Variants in WDR6 observed in about 807,000 individuals in gnomAD.
The protein encoded by WDR6 is tRNA (34-2'-O)-methyltransferase regulator WDR6.
WDR6 carries 58 observed loss-of-function variants against 85.6 expected under a neutral mutation model. The ratio of observed to expected loss-of-function variants is 0.68; its 90% CI spans 0.55 to 0.84. The LOEUF (loss-of-function observed/expected upper bound fraction) is 0.84, where lower values mean the gene tolerates loss of function less well. Ranked by LOEUF, WDR6 falls within the 40% of genes least tolerant of loss-of-function variation. The pLI is 0.00. For missense variants in WDR6, 1,310 were observed against 1,476.4 expected (o/e 0.89, Z 1.85); for synonymous variants, 569 against 582.2 (o/e 0.98, Z 0.33).
At chr3:49,010,706 C>G (rs576679147) in intron 1 of WDR6, among the ~76,000 whole-genome samples, 2 of 151,992 alleles carry the variant, frequency 1.3e-5, no homozygotes, top group Non-Finnish European at 2.9e-5. Context: ...AAAAATTAGC[C>G]GGGCATGGGG....
rs1279572348 is a variant in WDR6 at position 49,011,616 on chromosome 3, G to A, written c.101-19G>A. The A allele has an allele frequency of 6.2e-7, 1 of 1,612,196 alleles. No homozygotes were observed. ...GAGTTAGGTACCTAGCTCTGACATG[G>A]CTCTTTGCCTCTATCTAGGTGAGGG... is the stretch of plus-strand genomic sequence containing the variant. On this transcript the variant is annotated intron_variant, in intron 1 of 5. Transcript: ENST00000608424.
chr3:49,013,339 A>G lies in WDR6; in HGVS notation c.1805A>G (p.Gln602Arg). The G allele has an allele frequency of 6.2e-7, 1 of 1,614,186 alleles. No individual in the cohort carries two copies. The highest frequency in any genetic ancestry group is 8.5e-7 in the Non-Finnish European group (1 of 1,180,010). Residue 602 changes from glutamine to arginine, a missense_variant, in exon 2 of 6, where the codon CAG (glutamine) becomes CGG (arginine). Transcript: ENST00000608424. The surrounding 1 kb of genome is among the most constrained non-coding windows in gnomAD (Gnocchi z 4.6). ...CTGTTTGTACGAGACGGCCAGCTCC[A>G]GCCAGTCCTAAGGCAGAAGTCCTGT... ...YQLFVRDGQL[Q>R]PVLRQKSCRG...
In WDR6 at chr3:49,015,115, G is replaced by C. The variant is rs765204501; in HGVS notation, c.3193G>C (p.Asp1065His). The C allele has an allele frequency of 9.9e-6, 16 of 1,613,938 alleles. No individual in the cohort carries two copies. Among genetic ancestry groups the C allele is most frequent in the Non-Finnish European group, 1.4e-5 (16 of 1,180,050 alleles). The part of the protein sequence containing the change: ...SPSIMVSASI[D>H]QRLTFWRLGH... Reference sequence around the variant, plus strand: ...AAGCATCATGGTCTCAGCCTCCATTGATCAACGGCTGACCTTCTGGCGTCT... The same window carrying C: ...AAGCATCATGGTCTCAGCCTCCATTCATCAACGGCTGACCTTCTGGCGTCT... The change falls in exon 6 of 6, where the codon GAT becomes CAT. Residue 1065 changes from aspartate to histidine, a missense_variant. Coordinates refer to ENST00000608424, the MANE Select transcript of WDR6 (RefSeq NM_018031.6).
rs958201618 is a variant in WDR6 at position 49,015,726 on chromosome 3, G to A, written c.*438G>A. 2 of 1,614,090 alleles carry A rather than the reference G, an allele frequency of 1.2e-6. No homozygotes were observed. The highest frequency in any genetic ancestry group is 1.7e-6 in the Non-Finnish European group (2 of 1,180,016). On this transcript the variant is annotated 3_prime_UTR_variant, in exon 6 of 6. Transcript: ENST00000608424. ...GAGGCTCCTGAAAGAGAAAGGGCCT[G>A]CTGGTCTCATCCTCTGCTTCCTTTG...
At position 49,011,622 on chromosome 3, in the gene WDR6, T is replaced by C; in HGVS notation, c.101-13T>C. The C allele has an allele frequency of 1.2e-6, 2 of 1,612,638 alleles. No individual in the cohort carries two copies. Among genetic ancestry groups the C allele is most frequent in the Non-Finnish European group, 8.5e-7 (1 of 1,178,796 alleles). On this transcript the variant is annotated splice_polypyrimidine_tract_variant and intron_variant, in intron 1 of 5. Coordinates refer to ENST00000608424, the MANE Select transcript of WDR6 (RefSeq NM_018031.6). Reference sequence around the variant, plus strand: ...GGTACCTAGCTCTGACATGGCTCTTTGCCTCTATCTAGGTGAGGGTCCCGA... The same window carrying C: ...GGTACCTAGCTCTGACATGGCTCTTCGCCTCTATCTAGGTGAGGGTCCCGA...
chr3:49,014,326 A>G lies in WDR6; in HGVS notation c.2666+33A>G. ...CATAGGGCCCAGTGGGACAGGAGACAAAGGAAGTAAGGTTGTCTAGGATGC... is the reference window on the plus strand; with the variant it reads ...CATAGGGCCCAGTGGGACAGGAGACGAAGGAAGTAAGGTTGTCTAGGATGC... On this transcript the variant is annotated intron_variant, in intron 3 of 5. Transcript: ENST00000608424. This position sits in a 1 kb window ranked among gnomAD's most constrained non-coding sequence, Gnocchi z 4.9. 1 of 1,613,156 alleles carries G rather than the reference A, an allele frequency of 6.2e-7. No individual in the cohort carries two copies. The highest frequency in any genetic ancestry group is 8.5e-7 in the Non-Finnish European group (1 of 1,179,938).
chr3:49,007,820 C>A lies in WDR6; in HGVS notation c.100+289C>A, dbSNP rs903794300. Among the ~76,000 whole-genome samples the A allele has an allele frequency of 8.3e-5, 12 of 145,154 alleles. No individual in the cohort carries two copies. Among genetic ancestry groups the A allele is most frequent in the African/African-American group, 3.1e-4 (12 of 39,312 alleles). The stretch of plus-strand genomic sequence containing the variant: ...GAGGGTGCAGGGGAACGCGGCCGCG[C>A]GGAGGCGGAGGCGGAGGCCCGGGAG... On this transcript the variant is annotated intron_variant, in intron 1 of 5. Transcript: ENST00000608424. This position sits in a 1 kb window ranked among gnomAD's most constrained non-coding sequence, Gnocchi z 5.1.
At chr3:49,011,434 C>G in intron 1 of WDR6, 1 of 1,498,150 alleles carries the variant, frequency 6.7e-7, no homozygotes, top group Non-Finnish European at 9.0e-7. Context: ...CTGGCTTTGG[C>G]TTTCCAAAGT....
intron 1 of WDR6, chr3:49,011,294 G>A: frequency 4.1e-6 from 2 of 493,662 alleles, no homozygotes; most frequent in East Asian, 6.0e-5. Context: ...GGCCAGGCTA[G>A]TCCTGAACCC....
In WDR6 at chr3:49,013,615, T is replaced by G. The variant is rs2106699923; in HGVS notation, c.2081T>G (p.Ile694Ser). Residue 694 changes from isoleucine (I) to serine (S), a missense_variant, in exon 2 of 6, where the codon ATT (isoleucine) becomes AGT (serine). Physicochemically the swap from Ile to Ser is moderately radical, Grantham distance 142. Coordinates refer to ENST00000608424, the MANE Select transcript of WDR6 (RefSeq NM_018031.6). The surrounding 1 kb of genome is among the most constrained non-coding windows in gnomAD (Gnocchi z 4.6). ...ALGGCTRPHV[I>S]LREGLHGREI... ...GGTGGCTGCACCCGGCCACACGTGA[T>G]TCTCCGGGAGGGTCTGCATGGCCGT... The G allele has an allele frequency of 6.2e-7, 1 of 1,614,092 alleles. No individual in the cohort carries two copies. Among genetic ancestry groups the G allele is most frequent in the Non-Finnish European group, 8.5e-7 (1 of 1,180,002 alleles).
rs534482838 is a variant in WDR6 at position 49,014,693 on chromosome 3, T to C, written c.2877T>C (p.Pro959=). Residue 959 remains proline (P), a synonymous_variant, in exon 5 of 6, where the codon CCT becomes CCC. Transcript: ENST00000608424. The surrounding 1 kb of genome is among the most constrained non-coding windows in gnomAD (Gnocchi z 4.9). The stretch of plus-strand genomic sequence containing the variant: ...ACCATGACTCCACTGTCCTGGAGCC[T>C]CCAGTGGATCCTGGGCTTCCCTACC... ...MLDHDSTVLE[P]PVDPGLPYRL... is the part of the protein sequence containing the mutation. The C allele has an allele frequency of 1.2e-6, 2 of 1,613,136 alleles. No individual in the cohort carries two copies. Among genetic ancestry groups the C allele is most frequent in the South Asian group, 2.2e-5 (2 of 91,074 alleles).
chr3:49,007,411 C>T lies in WDR6; in HGVS notation c.-21C>T. 6.2e-7 allele frequency: 1 copy of T among 1,604,418 alleles called. No homozygotes were observed. The highest frequency in any genetic ancestry group is 8.5e-7 in the Non-Finnish European group (1 of 1,176,286). Reference sequence around the variant, plus strand: ...CAGCTCCCTTCTTAGCCGTGGCTGCCTCAGCACCTCGAGGATCGACATGGA... The same window carrying T: ...CAGCTCCCTTCTTAGCCGTGGCTGCTTCAGCACCTCGAGGATCGACATGGA... On this transcript the variant is annotated 5_prime_UTR_variant, in exon 1 of 6. Coordinates refer to ENST00000608424, the MANE Select transcript of WDR6 (RefSeq NM_018031.6). This position sits in a 1 kb window ranked among gnomAD's most constrained non-coding sequence, Gnocchi z 5.1.
chr3:49,014,476 A>G lies in WDR6; in HGVS notation c.2760A>G (p.Thr920=). ...GTGTCCTCAAGGTCCACTCCTTTAC[A>G]CACGAGGCACCCAACCAGAGGCGGT... ...KRCVLKVHSF[T]HEAPNQRRRL... Residue 920 remains threonine, a synonymous_variant, in exon 4 of 6, where the codon ACA becomes ACG. Transcript: ENST00000608424. This position sits in a 1 kb window ranked among gnomAD's most constrained non-coding sequence, Gnocchi z 4.9. 1 of 1,614,108 alleles carries G rather than the reference A, an allele frequency of 6.2e-7. No homozygotes were observed. Among genetic ancestry groups the G allele is most frequent in the Non-Finnish European group, 8.5e-7 (1 of 1,180,004 alleles).
In WDR6 at chr3:49,007,510, G is replaced by T; in HGVS notation, c.79G>T (p.Val27Leu). Reference sequence around the variant, plus strand: ...CCTCCCAGTGACGGGTCTGGAGTGCGTGGGGGACCGGCTGTTGGCGGGTGA... The same window carrying T: ...CCTCCCAGTGACGGGTCTGGAGTGCTTGGGGGACCGGCTGTTGGCGGGTGA... Reference protein sequence around the residue: ...ILLPVTGLECVGDRLLAGEGP... With the variant: ...ILLPVTGLECLGDRLLAGEGP... The change falls in exon 1 of 6, where the codon GTG becomes TTG. Residue 27 changes from valine (V) to leucine (L), a missense_variant. Val to Leu is a conservative substitution (Grantham distance 32). Coordinates refer to ENST00000608424, the MANE Select transcript of WDR6 (RefSeq NM_018031.6). The surrounding 1 kb of genome is among the most constrained non-coding windows in gnomAD (Gnocchi z 5.1). The T allele has an allele frequency of 4.4e-6, 7 of 1,598,710 alleles. No individual in the cohort carries two copies. Among genetic ancestry groups the T allele is most frequent in the Non-Finnish European group, 6.0e-6 (7 of 1,167,946 alleles).
Position 49,012,699 on chromosome 3 carries a change from C to T in WDR6, c.1165C>T (p.His389Tyr), listed in dbSNP as rs1466728666. 5.0e-6 allele frequency: 8 copies of T among 1,613,988 alleles called. No homozygotes were observed. ...KCWEQLLEDK[H>Y]FQSYCLLEAA... Reference sequence around the variant, plus strand: ...CTGGGAGCAGCTGCTAGAGGATAAACATTTCCAGTCCTACTGCCTGCTGGA... The same window carrying T: ...CTGGGAGCAGCTGCTAGAGGATAAATATTTCCAGTCCTACTGCCTGCTGGA... Residue 389 changes from histidine (H) to tyrosine (Y), a missense_variant, in exon 2 of 6, where the codon CAT (histidine) becomes TAT (tyrosine). Transcript: ENST00000608424. This position sits in a 1 kb window ranked among gnomAD's most constrained non-coding sequence, Gnocchi z 4.4.
In WDR6 at chr3:49,015,512, T is replaced by C; in HGVS notation, c.*224T>C. ...CTTTGTAACAAACAGTACCAATTTA[T>C]TTTGGCCGTGGGTTTTTGCTTTTTT... is the stretch of plus-strand genomic sequence containing the variant. On this transcript the variant is annotated 3_prime_UTR_variant, in exon 6 of 6. Transcript: ENST00000608424. The C allele has an allele frequency of 2.5e-6, 4 of 1,593,584 alleles. No individual in the cohort carries two copies. Among genetic ancestry groups the C allele is most frequent in the Non-Finnish European group, 3.4e-6 (4 of 1,166,384 alleles).
chr3:49,009,756 C>T (rs2093004708), intron 1 of WDR6, among the ~76,000 whole-genome samples: 4 of 150,138 alleles, frequency 2.7e-5, no homozygotes, highest in Admixed American at 2.0e-4. Flanking sequence ...GAGACAGAGT[C>T]TTGCTCTATT....
Position 49,015,577 on chromosome 3 carries a change from C to G in WDR6, c.*289C>G. 6.2e-7 allele frequency: 1 copy of G among 1,613,766 alleles called. No homozygotes were observed. Among genetic ancestry groups the G allele is most frequent in the South Asian group, 1.1e-5 (1 of 91,044 alleles). On this transcript the variant is annotated 3_prime_UTR_variant, in exon 6 of 6. Coordinates refer to ENST00000608424, the MANE Select transcript of WDR6 (RefSeq NM_018031.6). ...TTGTGAACATTCCCAGGTATTGGAG[C>G]CTCTGTGGCCTTAAATGTGGCTCAG...
chr3:49,014,403 C>T lies in WDR6; in HGVS notation c.2687C>T (p.Ser896Phe). 6.2e-7 allele frequency: 1 copy of T among 1,614,138 alleles called. No individual in the cohort carries two copies. Among genetic ancestry groups the T allele is most frequent in the South Asian group, 1.1e-5 (1 of 91,078 alleles). The change falls in exon 4 of 6, where the codon TCT becomes TTT. Residue 896 changes from serine to phenylalanine, a missense_variant. By Grantham distance (155) the Ser-to-Phe change is radical. Transcript: ENST00000608424. This position sits in a 1 kb window ranked among gnomAD's most constrained non-coding sequence, Gnocchi z 4.9. ...GAVRLFLLQD[S>F]GRILQLLAET... ...CCCAGGCTCTTTCTTTTGCAGGATT[C>T]TGGGCGGATTCTGCAGCTCCTTGCT...
Sources: allele counts gnomAD v4.1 joint callset (sites outside exome capture counted in the v4.1 genomes callset), GRCh38; gene constraint gnomAD v4.1.1; non-coding constraint Gnocchi (gnomAD v3.1); transcripts MANE v1.5; gene names NCBI Gene and HGNC (gene_info 2026-07-23, HGNC 2026-07-21).